The following EXOC5 variants were observed in gnomAD, a reference collection of about 807,000 sequenced individuals.
EXOC5 encodes the protein exocyst complex component 5, also known as SEC10-like 1.
In EXOC5, 17 loss-of-function variants were observed where a neutral mutation model predicts 90.8. The ratio of observed to expected loss-of-function variants is 0.19; its 90% CI spans 0.13 to 0.28. EXOC5 has a LOEUF of 0.28. Among genes scored for constraint, EXOC5 ranks in the 10% least tolerant of loss-of-function variants. The pLI is 1.00. For missense variants in EXOC5, 569 were observed against 830.6 expected (o/e 0.69, Z 3.87); for synonymous variants, 260 against 270.0 (o/e 0.96, Z 0.36).
chr14:57,222,636 T>G (rs1883180254), intron 12 of EXOC5, among the ~76,000 whole-genome samples: 1 of 151,768 alleles, frequency 6.6e-6, no homozygotes, highest in Admixed American at 6.6e-5. Flanking sequence ...GTAATGTTTT[T>G]CAAACTTGGA....
Position 57,205,823 on chromosome 14 carries a change from A to C in EXOC5, c.*2786T>G, listed in dbSNP as rs1343504601. On this transcript the variant is annotated 3_prime_UTR_variant, in exon 18 of 18. Coordinates refer to ENST00000621441, the MANE Select transcript of EXOC5 (RefSeq NM_006544.4). ...AGATTTTAATTTAACCTACTTTGAT[A>C]GTTTTTTAAAACAAGGAAGATCCTA... is the stretch of plus-strand genomic sequence containing the variant. 2.3e-6 allele frequency: 1 copy of C among 441,500 alleles called. No homozygotes were observed. The highest frequency in any genetic ancestry group is 4.5e-6 in the Non-Finnish European group (1 of 223,612). The allele number at this position is 441,500 out of a possible 1,614,324, so 27.3% of individuals were successfully genotyped here. A position where few individuals can be genotyped will look rare whatever the true frequency, so the allele number is the denominator to read the frequency against.
chr14:57,265,133 CTT>C (rs201754053), intron 1 of EXOC5, among the ~76,000 whole-genome samples: 44 of 134,780 alleles, frequency 3.3e-4, no homozygotes, highest in Non-Finnish European at 4.2e-4. Context: ...TCACTGAACC[CTT>C]TTTTTTTTTT....
intron 1 of EXOC5, among the ~76,000 whole-genome samples, chr14:57,266,347 C>T (rs1407785610): frequency 6.6e-6 from 1 of 152,134 alleles, no homozygotes; most frequent in Non-Finnish European, 1.5e-5. Context: ...TTCCTCCTCC[C>T]TCCAAGGCCA....
chr14:57,216,062 T>C (rs1882962006), intron 15 of EXOC5, among the ~76,000 whole-genome samples: 1 of 151,910 alleles, frequency 6.6e-6, no homozygotes, highest in African/African-American at 2.4e-5. Context: ...AAAAATCCCA[T>C]TTACAATAGC....
intron 1 of EXOC5, chr14:57,268,352 C>A: frequency 1.2e-6 from 1 of 845,568 alleles, no homozygotes; most frequent in Non-Finnish European, 1.8e-6. Context: ...CCCTCTTGCC[C>A]CCACAAACAA....
Position 57,205,831 on chromosome 14 carries a change from A to T in EXOC5, c.*2778T>A, listed in dbSNP as rs1158526369. On this transcript the variant is annotated 3_prime_UTR_variant, in exon 18 of 18. Transcript: ENST00000621441. ...ATTTAACCTACTTTGATAGTTTTTT[A>T]AAACAAGGAAGATCCTAAGGACTTG... The T allele has an allele frequency of 2.3e-6, 1 of 441,874 alleles. No individual in the cohort carries two copies. The highest frequency in any genetic ancestry group is 4.5e-6 in the Non-Finnish European group (1 of 223,654). 27.4% of individuals were successfully genotyped at this position (441,874 alleles called of 1,614,324 possible). A position where few individuals can be genotyped will look rare whatever the true frequency, so the allele number is the denominator to read the frequency against.
At chr14:57,213,568 C>T (rs1416827505) in intron 15 of EXOC5, among the ~76,000 whole-genome samples, 3 of 151,654 alleles carry the variant, frequency 2.0e-5, no homozygotes, top group East Asian at 2.0e-4. Flanking sequence ...CCACCATGCC[C>T]GACCAATTTT....
chr14:57,227,687 G>C (rs916192826), intron 12 of EXOC5, among the ~76,000 whole-genome samples: 8 of 152,086 alleles, frequency 5.3e-5, no homozygotes, highest in Admixed American at 1.3e-4. Flanking sequence ...GTGAGACTGA[G>C]TATTGTACTA....
At position 57,246,828 on chromosome 14, in the gene EXOC5, C is replaced by G. The variant is rs1170992809; in HGVS notation, c.153G>C (p.Gln51His). 3.1e-6 allele frequency: 5 copies of G among 1,587,402 alleles called. No individual in the cohort carries two copies. Among genetic ancestry groups the G allele is most frequent in the Non-Finnish European group, 4.3e-6 (5 of 1,161,912 alleles). ...TCCTTTCATCCATTATCTGGAGTTC[C>G]TGAATATGATTTACAAATTCTTCTA... is the stretch of plus-strand genomic sequence containing the variant. ...RLLEEFVNHI[Q>H]ELQIMDERIQ... is the part of the protein sequence containing the mutation. Residue 51 changes from glutamine to histidine, a missense_variant, in exon 3 of 18, where the codon CAG becomes CAC. Coordinates refer to ENST00000621441, the MANE Select transcript of EXOC5 (RefSeq NM_006544.4).
chr14:57,246,450 G>A (rs902001160), intron 3 of EXOC5, among the ~76,000 whole-genome samples: 2 of 152,206 alleles, frequency 1.3e-5, no homozygotes, highest in African/African-American at 4.8e-5. Context: ...ATTGTTAGAG[G>A]AGAATCAAGG....
chr14:57,268,766 G>A lies in EXOC5; in HGVS notation c.-118C>T. The A allele has an allele frequency of 6.8e-7, 1 of 1,460,924 alleles. No individual in the cohort carries two copies. The allele number at this position is 1,460,924 out of a possible 1,614,324, so 90.5% of individuals were successfully genotyped here. On this transcript the variant is annotated 5_prime_UTR_variant, in exon 1 of 18. Transcript: ENST00000621441. The stretch of plus-strand genomic sequence containing the variant: ...TCGCCAGCTCCGGCTCCGGGCCGCT[G>A]CGGGCTCCCCAGCTCCCCACAGATC...
Position 57,203,917 on chromosome 14 carries a change from C to T in EXOC5, c.*4692G>A, listed in dbSNP as rs79492043. ...CATTCCACCTGCTCAAATATTAGTG[C>T]AAATAATTATATATTTGTAATGCAT... is the stretch of plus-strand genomic sequence containing the variant. On this transcript the variant is annotated 3_prime_UTR_variant, in exon 18 of 18. Coordinates refer to ENST00000621441, the MANE Select transcript of EXOC5 (RefSeq NM_006544.4). 6.6e-6 allele frequency: 1 copy of T among 152,624 alleles called. No homozygotes were observed. The highest frequency in any genetic ancestry group is 1.9e-4 in the East Asian group (1 of 5,182). The allele number at this position is 152,624 out of a possible 1,614,324, so 9.5% of individuals were successfully genotyped here. A position where few individuals can be genotyped will look rare whatever the true frequency, so the allele number is the denominator to read the frequency against.
chr14:57,209,796 TC>T lies in EXOC5; in HGVS notation c.1723-15del, dbSNP rs202104053. On this transcript the variant is annotated splice_polypyrimidine_tract_variant and intron_variant, in intron 16 of 17. Coordinates refer to ENST00000621441, the MANE Select transcript of EXOC5 (RefSeq NM_006544.4). ...TTTTACACAGGCCTATAAAAGTTTTTCTACACTCATTACACAGGAATGTATA... is the reference window on the plus strand; with the variant it reads ...TTTTACACAGGCCTATAAAAGTTTTTTACACTCATTACACAGGAATGTATA... The T allele has an allele frequency of 6.5e-7, 1 of 1,548,882 alleles. No homozygotes were observed. Among genetic ancestry groups the T allele is most frequent in the South Asian group, 1.1e-5 (1 of 87,876 alleles).
At chr14:57,231,477 T>C in intron 11 of EXOC5, 29 bp downstream of exon 11, 1 of 1,478,454 alleles carries the variant, frequency 6.8e-7, no homozygotes, top group Non-Finnish European at 9.3e-7. Context: ...TCTTCAGTTT[T>C]AACAGAAGTA....
Position 57,207,573 on chromosome 14 carries a change from G to A in EXOC5, c.*1036C>T, listed in dbSNP as rs879306630. On this transcript the variant is annotated 3_prime_UTR_variant, in exon 18 of 18. Coordinates refer to ENST00000621441, the MANE Select transcript of EXOC5 (RefSeq NM_006544.4). Reference sequence around the variant, plus strand: ...GAAAAAGGACAATGACAGACCTATAGACATGAAAAGCAAACAGCCTTTGCA... The same window carrying A: ...GAAAAAGGACAATGACAGACCTATAAACATGAAAAGCAAACAGCCTTTGCA... The A allele has an allele frequency of 1.3e-5, 2 of 152,018 alleles. No homozygotes were observed. The highest frequency in any genetic ancestry group is 2.9e-5 in the Non-Finnish European group (2 of 67,956). The allele number at this position is 152,018 out of a possible 1,614,324, so 9.4% of individuals were successfully genotyped here.
chr14:57,265,399 A>T (rs990777369), intron 1 of EXOC5, among the ~76,000 whole-genome samples: 6 of 152,162 alleles, frequency 3.9e-5, no homozygotes, highest in African/African-American at 1.4e-4. Flanking sequence ...CAGTAGTACA[A>T]TAAAAGGAGA....
chr14:57,243,485 T>G (rs1883936409), intron 4 of EXOC5: 1 of 152,238 alleles, frequency 6.6e-6, no homozygotes, highest in East Asian at 1.9e-4. Context: ...ACAATGTTGC[T>G]ATGTACATAC....
chr14:57,260,205 A>C (rs550814836), intron 1 of EXOC5, among the ~76,000 whole-genome samples: 1 of 152,268 alleles, frequency 6.6e-6, no homozygotes. Flanking sequence ...TATTTATTGA[A>C]TACTGAGTTT....
At chr14:57,268,510 C>G in intron 1 of EXOC5, 112 bp downstream of exon 1, 3 of 1,533,722 alleles carry the variant, frequency 2.0e-6, no homozygotes, top group African/African-American at 1.4e-5. Context: ...TTTCGCACCT[C>G]TCTCCCGAGG....
Sources: gnomAD v4.1 joint callset for allele counts (sites outside exome capture counted in the v4.1 genomes callset) on GRCh38, gnomAD v4.1.1 for gene constraint, MANE v1.5 for transcripts, NCBI Gene and HGNC (gene_info 2026-07-23, HGNC 2026-07-21) for gene names.